IL23R: variants seen among roughly 807,000 people sequenced by gnomAD.
IL23R encodes the protein interleukin 23 receptor, also known as interleukin-23 receptor.
A neutral mutation model predicts 56.9 loss-of-function variants in IL23R; 34 were observed. The ratio of observed to expected loss-of-function variants is 0.60; its 90% CI spans 0.45 to 0.80. The LOEUF (loss-of-function observed/expected upper bound fraction) is 0.80, where lower values mean the gene tolerates loss of function less well. IL23R is among the 30% of genes least tolerant of loss of function. The pLI, the probability that IL23R is intolerant of heterozygous loss-of-function variation, is 0.00. For missense variants in IL23R, 635 were observed against 730.0 expected (o/e 0.87, Z 1.50); for synonymous variants, 230 against 249.2 (o/e 0.92, Z 0.73).
chr1:67,145,354 G>C (rs879654861), intron 1 of IL23R, among the ~76,000 whole-genome samples: 5 of 152,038 alleles, frequency 3.3e-5, no homozygotes, highest in African/African-American at 7.2e-5. Context: ...TCTCAAATAC[G>C]TACATAAAAT....
At chr1:67,160,930 T>A (rs1238679968) in intron 1 of IL23R, among the ~76,000 whole-genome samples, 3 of 152,212 alleles carry the variant, frequency 2.0e-5, no homozygotes, top group Admixed American at 2.0e-4. Context: ...TTTTTTCTTA[T>A]TGATTGGCAA....
chr1:67,250,939 G>A (rs1652564679), intron 9 of IL23R, among the ~76,000 whole-genome samples: 1 of 152,162 alleles, frequency 6.6e-6, no homozygotes. Flanking sequence ...AGATCTATTT[G>A]CTTTTAATTC....
At chr1:67,215,801 C>T (rs1291384211) in intron 6 of IL23R, among the ~76,000 whole-genome samples, 1 of 152,184 alleles carries the variant, frequency 6.6e-6, no homozygotes, top group African/African-American at 2.4e-5. Context: ...CCACCTTGTC[C>T]TGAAAATGTC....
rs1255710428 is a variant in IL23R at position 67,200,293 on chromosome 1, C to T, written c.492-444C>T. Reference sequence around the variant, plus strand: ...TCCTGACCTTGTGATCCGCCCGCCTCGGCCTCCCAAAGTGCTGGGATTACA... The same window carrying T: ...TCCTGACCTTGTGATCCGCCCGCCTTGGCCTCCCAAAGTGCTGGGATTACA... On this transcript the variant is annotated intron_variant, in intron 4 of 10. Transcript: ENST00000347310. Among the ~76,000 whole-genome samples, 4 of 152,164 alleles carry T rather than the reference C, an allele frequency of 2.6e-5. No individual in the cohort carries two copies. In the East Asian group the frequency reaches 7.7e-4, roughly 29 times the overall value.
intron 8 of IL23R, among the ~76,000 whole-genome samples, chr1:67,239,105 A>G (rs1490804658): frequency 2.0e-5 from 3 of 152,208 alleles, no homozygotes; most frequent in African/African-American, 7.2e-5. Flanking sequence ...GTAATGCCTC[A>G]ACTATCTTCT....
Position 67,219,625 on chromosome 1 carries a change from T to C in IL23R, c.850T>C (p.Leu284=), listed in dbSNP as rs1170499160. ...ATATGTGCAACAGTCAGAATTCTAC[T>C]TGGAGCCAAACATTAAGTACGTATT... The part of the protein sequence containing the change: ...FTYVQQSEFY[L]EPNIKYVFQV... Residue 284 remains leucine, a synonymous_variant, in exon 7 of 11, where the codon TTG becomes CTG. Coordinates refer to ENST00000347310, the MANE Select transcript of IL23R (RefSeq NM_144701.3). The C allele has an allele frequency of 1.2e-6, 2 of 1,613,978 alleles. No homozygotes were observed. Among genetic ancestry groups the C allele is most frequent in the East Asian group, 2.2e-5 (1 of 44,892 alleles).
At chr1:67,248,952 G>A (rs1036356013) in intron 9 of IL23R, among the ~76,000 whole-genome samples, 4 of 152,156 alleles carry the variant, frequency 2.6e-5, no homozygotes, top group South Asian at 4.2e-4. Context: ...TGGGTGAGAC[G>A]ATGCCCCACC....
intron 6 of IL23R, among the ~76,000 whole-genome samples, chr1:67,210,988 G>A (rs1244318765): frequency 6.6e-6 from 1 of 152,162 alleles, no homozygotes; most frequent in East Asian, 1.9e-4. Flanking sequence ...CAAGAAGATG[G>A]GGGCAAAACT....
intron 4 of IL23R, among the ~76,000 whole-genome samples, chr1:67,188,154 G>A (rs1055754111): frequency 2.0e-5 from 3 of 152,184 alleles, no homozygotes; most frequent in African/African-American, 7.2e-5. Context: ...AGTAACAGAT[G>A]GCATGATAAT....
chr1:67,211,107 T>G (rs1649440426), intron 6 of IL23R, among the ~76,000 whole-genome samples: 1 of 152,210 alleles, frequency 6.6e-6, no homozygotes, highest in Non-Finnish European at 1.5e-5. Context: ...TTATGGTTGT[T>G]TGCATACACT....
At chr1:67,172,899 A>G (rs972380954) in intron 3 of IL23R, among the ~76,000 whole-genome samples, 1 of 152,196 alleles carries the variant, frequency 6.6e-6, no homozygotes, top group African/African-American at 2.4e-5. Flanking sequence ...AATTCATGGA[A>G]TAAACTTTAT....
intron 7 of IL23R, among the ~76,000 whole-genome samples, chr1:67,227,940 A>ATCTTTCTTTCTT (rs746969384): frequency 8.0e-5 from 3 of 37,432 alleles, no homozygotes; most frequent in Non-Finnish European, 1.2e-4. Flanking sequence ...CAGAACAAAG[A>ATCTTTCTTTCTT]TCTTTCTTTC....
intron 1 of IL23R, among the ~76,000 whole-genome samples, chr1:67,158,198 A>T (rs957644967): frequency 3.9e-5 from 6 of 152,096 alleles, no homozygotes; most frequent in Non-Finnish European, 8.8e-5. Context: ...CCTGGGCAAC[A>T]GAGCAAGACT....
In IL23R at chr1:67,169,625, C is replaced by T; in HGVS notation, c.354C>T (p.Asp118=). ...HFQETLICGK[D]ISSGYPPDIP... ...AAGAGACACTGATATGTGGAAAAGA[C>T]ATTTCTTCTGGATGTAAGTGTTGGG... Residue 118 remains aspartate (D), a synonymous_variant, in exon 3 of 11, where the codon GAC becomes GAT. Coordinates refer to ENST00000347310, the MANE Select transcript of IL23R (RefSeq NM_144701.3). 6.2e-7 allele frequency: 1 copy of T among 1,613,958 alleles called. No homozygotes were observed. The highest frequency in any genetic ancestry group is 8.5e-7 in the Non-Finnish European group (1 of 1,179,888).
chr1:67,173,266 C>T (rs960061202), intron 3 of IL23R, among the ~76,000 whole-genome samples: 3 of 152,122 alleles, frequency 2.0e-5, no homozygotes, highest in Non-Finnish European at 4.4e-5. Flanking sequence ...TTCATGTTAA[C>T]AAACACTTAT....
At chr1:67,230,550 T>C (rs971857545) in intron 7 of IL23R, among the ~76,000 whole-genome samples, 2 of 79,934 alleles carry the variant, frequency 2.5e-5, no homozygotes, top group South Asian at 1.1e-3. Flanking sequence ...CCTCCTCTTA[T>C]TCTTTCTTTT....
chr1:67,263,084 G>A (rs538496661), downstream of IL23R, among the ~76,000 whole-genome samples: 1 of 148,614 alleles, frequency 6.7e-6, no homozygotes, highest in Admixed American at 6.8e-5. Context: ...GTGTGTGTGC[G>A]TGTGTGTGTT....
chr1:67,213,239 C>A (rs790632), intron 6 of IL23R, among the ~76,000 whole-genome samples: 122,128 of 152,090 alleles, frequency 0.8, 49,665 homozygotes, highest in East Asian at 0.97. Context: ...TAAGATAAGC[C>A]CTTATATCAT....
chr1:67,212,176 G>A (rs1031935880), intron 6 of IL23R, among the ~76,000 whole-genome samples: 30 of 152,156 alleles, frequency 2.0e-4, no homozygotes, highest in Admixed American at 1.8e-3. Context: ...AATCTACCAC[G>A]TTTCCTTTAA....
Sources: gnomAD v4.1 joint callset for allele counts (sites outside exome capture counted in the v4.1 genomes callset) on GRCh38, gnomAD v4.1.1 for gene constraint, MANE v1.5 for transcripts, NCBI Gene and HGNC (gene_info 2026-07-23, HGNC 2026-07-21) for gene names.